DACH2: variants seen among roughly 807,000 people sequenced by gnomAD.
DACH2 encodes the protein dachshund homolog 2.
A neutral mutation model predicts 35.8 loss-of-function variants in DACH2; 17 were observed. The observed-to-expected ratio is 0.48, with a 90% CI of 0.33 to 0.71. DACH2 has a LOEUF of 0.71. DACH2 is among the 30% of genes least tolerant of loss of function. The pLI is 0.02. For missense variants in DACH2, 469 were observed against 472.7 expected (o/e 0.99, Z 0.07); for synonymous variants, 195 against 177.3 (o/e 1.10, Z -0.79).
intron 11 of DACH2, among the ~76,000 whole-genome samples, chrX:86,825,007 C>A (rs1179260923): frequency 8.9e-6 from 1 of 112,088 alleles, no homozygotes; most frequent in African/African-American, 3.2e-5. Flanking sequence ...GTTTAGCAGA[C>A]AAAAGTAGTA....
At chrX:86,587,746 T>G (rs1322798751) in intron 3 of DACH2, among the ~76,000 whole-genome samples, 3 of 111,819 alleles carry the variant, frequency 2.7e-5, no homozygotes, top group Non-Finnish European at 5.7e-5. Flanking sequence ...TCTCATTGAT[T>G]TAAGTTTCAG....
chrX:86,232,402 T>C (rs1185199349), intron 1 of DACH2, among the ~76,000 whole-genome samples: 1 of 111,281 alleles, frequency 9.0e-6, no homozygotes, highest in East Asian at 2.9e-4. Flanking sequence ...ATCAACAAAG[T>C]AAACAGACAA....
chrX:86,159,404 A>G (rs1027336419), intron 1 of DACH2, among the ~76,000 whole-genome samples: 3 of 111,857 alleles, frequency 2.7e-5, no homozygotes, highest in African/African-American at 6.5e-5. Flanking sequence ...TGCTTTGAAA[A>G]TATCCTGTAA....
intron 3 of DACH2, among the ~76,000 whole-genome samples, chrX:86,590,794 T>G (rs1285252946): frequency 1.8e-5 from 2 of 111,123 alleles, no homozygotes; most frequent in Non-Finnish European, 3.8e-5. Flanking sequence ...TCTCGCAGTT[T>G]TATTTATTTA....
chrX:86,547,023 T>C (rs1326969149), intron 3 of DACH2, among the ~76,000 whole-genome samples: 1 of 111,227 alleles, frequency 9.0e-6, no homozygotes, highest in African/African-American at 3.3e-5. Context: ...CCCCTTTATC[T>C]GGACCCACTA....
chrX:86,465,770 A>G (rs766118354), intron 2 of DACH2, among the ~76,000 whole-genome samples: 6 of 112,062 alleles, frequency 5.4e-5, no homozygotes, highest in Non-Finnish European at 1.1e-4. Flanking sequence ...ACAAATATGG[A>G]TAATATGTTT....
chrX:86,454,719 C>A (rs2037442972), intron 2 of DACH2, among the ~76,000 whole-genome samples: 1 of 111,897 alleles, frequency 8.9e-6, no homozygotes, highest in Non-Finnish European at 1.9e-5. Flanking sequence ...TTACAACATG[C>A]TCCTTTAGCG....
At chrX:86,468,477 C>G (rs920716996) in intron 2 of DACH2, among the ~76,000 whole-genome samples, 1 of 111,372 alleles carries the variant, frequency 9.0e-6, no homozygotes, top group African/African-American at 3.3e-5. Flanking sequence ...ACTTATTTAA[C>G]TACAACAACT....
chrX:86,417,576 T>C (rs2036729123), intron 2 of DACH2, among the ~76,000 whole-genome samples: 1 of 111,180 alleles, frequency 9.0e-6, no homozygotes, highest in African/African-American at 3.3e-5. Flanking sequence ...ACTCATTCAC[T>C]ATAATGAGAA....
In DACH2 at chrX:86,555,144, G is replaced by T. The variant is rs182476516; in HGVS notation, c.640+40753G>T. 4.6e-3 allele frequency among the ~76,000 whole-genome samples: 510 copies of T among 111,591 alleles called. 2 individuals are homozygous for T. The highest frequency in any genetic ancestry group is 8.1e-3 in the Non-Finnish European group (428 of 53,017). ...AATCAACACACCTGCAGTGTAACAG[G>T]TTCCTCATGCTATAGCATAATATCT... On this transcript the variant is annotated intron_variant, in intron 3 of 11. Coordinates refer to ENST00000373125, the MANE Select transcript of DACH2 (RefSeq NM_053281.3).
chrX:86,689,743 A>T (rs73247221), intron 4 of DACH2, among the ~76,000 whole-genome samples: 1 of 111,993 alleles, frequency 8.9e-6, no homozygotes. Context: ...AAAAGTTTCA[A>T]TGTAAGTACA....
intron 2 of DACH2, among the ~76,000 whole-genome samples, chrX:86,455,486 G>A (rs2037459102): frequency 8.9e-6 from 1 of 111,907 alleles, no homozygotes; most frequent in Non-Finnish European, 1.9e-5. Flanking sequence ...TGCTGGAGTG[G>A]TTGAAGCCCC....
At chrX:86,278,877 T>G (rs762702015) in intron 1 of DACH2, among the ~76,000 whole-genome samples, 2 of 111,662 alleles carry the variant, frequency 1.8e-5, no homozygotes, top group East Asian at 5.7e-4. Flanking sequence ...CCGCAATTAC[T>G]GAGTCTTGAG....
intron 1 of DACH2, among the ~76,000 whole-genome samples, chrX:86,292,298 G>T (rs1341204901): frequency 1.0e-5 from 1 of 99,481 alleles, no homozygotes; most frequent in African/African-American, 3.8e-5. Context: ...TTATTGCGTT[G>T]ATTTGATTCT....
intron 7 of DACH2, among the ~76,000 whole-genome samples, chrX:86,792,457 C>T (rs779920511): frequency 9.2e-6 from 1 of 108,270 alleles, no homozygotes; most frequent in African/African-American, 3.6e-5. Context: ...TGCTATCAAA[C>T]ATTAGAACTT....
chrX:86,823,002 C>G, intron 11 of DACH2, among the ~76,000 whole-genome samples: 1 of 111,369 alleles, frequency 9.0e-6, no homozygotes, highest in East Asian at 2.8e-4. Flanking sequence ...GTTACCCAGG[C>G]AGGAGTGCAG....
chrX:86,659,330 A>G (rs777851630), intron 4 of DACH2, among the ~76,000 whole-genome samples: 4 of 110,880 alleles, frequency 3.6e-5, no homozygotes, highest in Non-Finnish European at 7.6e-5. Flanking sequence ...AACTCTCACT[A>G]CTGGGGAATT....
At chrX:86,498,272 AT>A (rs1036242323) in intron 2 of DACH2, among the ~76,000 whole-genome samples, 23 of 111,790 alleles carry the variant, frequency 2.1e-4, no homozygotes, top group African/African-American at 6.2e-4. Context: ...AGGAATAAAA[AT>A]ATGTGATAAA....
intron 2 of DACH2, among the ~76,000 whole-genome samples, chrX:86,458,876 G>A (rs888962910): frequency 1.4e-4 from 15 of 110,324 alleles, no homozygotes; most frequent in Non-Finnish European, 2.8e-4. Flanking sequence ...GTCAGGGGGT[G>A]GAGGCTAGGG....
Sources: allele counts gnomAD v4.1 joint callset (sites outside exome capture counted in the v4.1 genomes callset), GRCh38; gene constraint gnomAD v4.1.1; transcripts MANE v1.5; gene names NCBI Gene and HGNC (gene_info 2026-07-23, HGNC 2026-07-21).